Variants in ZNF454 observed in about 807,000 individuals in gnomAD.
The protein encoded by ZNF454 is zinc finger protein 454.
Under a neutral mutation model 48.2 loss-of-function variants are expected in ZNF454, and 30 were observed. That is an observed-to-expected ratio of 0.62 (90% confidence interval 0.47 to 0.84). The LOEUF is 0.84. Among genes scored for constraint, ZNF454 ranks in the 40% least tolerant of loss-of-function variants. ZNF454 has a pLI of 0.00. For synonymous variants in ZNF454, 204 were observed against 211.4 expected (o/e 0.97, Z 0.30); for missense variants, 510 against 623.1 (o/e 0.82, Z 1.93).
intron 4 of ZNF454, among the ~76,000 whole-genome samples, chr5:178,948,861 A>G (rs1373066009): frequency 2.7e-5 from 4 of 148,702 alleles, no homozygotes; most frequent in African/African-American, 9.8e-5. Context: ...AAAATAAATA[A>G]TAAATTTACA....
At chr5:178,963,656 C>T (rs972168092) in intron 4 of ZNF454, among the ~76,000 whole-genome samples, 1 of 151,698 alleles carries the variant, frequency 6.6e-6, no homozygotes, top group Admixed American at 6.6e-5. Flanking sequence ...CTTGCAGCTG[C>T]AGCGTTTATC....
chr5:178,963,816 C>T (rs529014878), intron 4 of ZNF454, among the ~76,000 whole-genome samples: 18 of 151,852 alleles, frequency 1.2e-4, no homozygotes, highest in Non-Finnish European at 2.5e-4. Context: ...ACAGCCTGTA[C>T]AGCGGCCTAG....
At chr5:178,961,670 A>G (rs1326039841) in intron 4 of ZNF454, among the ~76,000 whole-genome samples, 4 of 151,280 alleles carry the variant, frequency 2.6e-5, no homozygotes, top group Non-Finnish European at 5.9e-5. Context: ...CAAAAAAAAA[A>G]TTAGCTGGGC....
chr5:178,954,940 G>A, intron 4 of ZNF454, among the ~76,000 whole-genome samples: 1 of 152,216 alleles, frequency 6.6e-6, no homozygotes, highest in East Asian at 1.9e-4. Context: ...ACCACGGTTT[G>A]CTCATCCATT....
At chr5:178,979,458 A>G in the ZNF454 span, 2 of 152,360 alleles carry the variant, frequency 1.3e-5, no homozygotes, top group East Asian at 3.9e-4. Context: ...ATACCCTGCA[A>G]GTAGACCGAA....
intron 4 of ZNF454, among the ~76,000 whole-genome samples, chr5:178,951,061 T>C (rs936489744): frequency 4.6e-5 from 7 of 152,106 alleles, no homozygotes; most frequent in African/African-American, 1.7e-4. Flanking sequence ...GGTTTCACCA[T>C]GTTGGCCCAG....
At chr5:178,971,741 A>T in the ZNF454 span, among the ~76,000 whole-genome samples, 2 of 151,032 alleles carry the variant, frequency 1.3e-5, no homozygotes, top group South Asian at 4.2e-4. Flanking sequence ...ATGTAGTCCC[A>T]GCTACTTGGG....
the ZNF454 span, chr5:178,985,572 G>A: frequency 0.033 from 11,107 of 338,032 alleles, 290 homozygotes; most frequent in East Asian, 0.072. Flanking sequence ...GCGTGGTGGC[G>A]GGCGCCTGTA....
At position 178,946,191 on chromosome 5, in the gene ZNF454, G is replaced by C. The variant is rs1275510035; in HGVS notation, c.34-168G>C. Among the ~76,000 whole-genome samples the C allele has an allele frequency of 2.0e-5, 3 of 152,130 alleles. No homozygotes were observed. Among genetic ancestry groups the C allele is most frequent in the Non-Finnish European group, 4.4e-5 (3 of 67,996 alleles). ...GAGAGCAATGTCTAGTCCAAGGCTAGGCCCCTAGGAGACCCTGAAGAGTGA... is the reference window on the plus strand; with the variant it reads ...GAGAGCAATGTCTAGTCCAAGGCTACGCCCCTAGGAGACCCTGAAGAGTGA... On this transcript the variant is annotated intron_variant, in intron 2 of 4. Coordinates refer to ENST00000519564, the MANE Select transcript of ZNF454 (RefSeq NM_001178089.3). The surrounding 1 kb of genome is among the most constrained non-coding windows in gnomAD (Gnocchi z 4.5).
At chr5:178,985,583 G>T in the ZNF454 span, 1 of 348,050 alleles carries the variant, frequency 2.9e-6, no homozygotes, top group Non-Finnish European at 5.6e-6. Flanking sequence ...GGCGCCTGTA[G>T]TCCCAGCTAC....
the ZNF454 span, chr5:178,989,549 G>C: frequency 1.9e-6 from 2 of 1,028,612 alleles, no homozygotes; most frequent in African/African-American, 1.6e-5. Context: ...GGCCAGGTGA[G>C]CTAGGAGTGG....
the ZNF454 span, chr5:178,982,694 A>AG: frequency 2.0e-5 from 5 of 244,846 alleles, no homozygotes; most frequent in African/African-American, 1.1e-4. Context: ...GAAAATGATA[A>AG]AAAAAAAAAA....
At chr5:178,987,574 G>A in the ZNF454 span, 6 of 400,492 alleles carry the variant, frequency 1.5e-5, no homozygotes, top group Admixed American at 2.7e-5. Context: ...CGCAAATACC[G>A]TCTGATGCCA....
chr5:178,987,138 C>T, the ZNF454 span: 10 of 784,302 alleles, frequency 1.3e-5, no homozygotes, highest in Admixed American at 1.2e-4. Context: ...GATCCCCCTT[C>T]ACCCATTGGG....
chr5:178,985,690 G>C, the ZNF454 span: 28 of 387,832 alleles, frequency 7.2e-5, no homozygotes, highest in Admixed American at 2.0e-4. Context: ...GCGACACAGC[G>C]AGACTCTGTC....
intron 4 of ZNF454, among the ~76,000 whole-genome samples, chr5:178,961,873 GT>G (rs1449148609): frequency 6.7e-6 from 1 of 149,558 alleles, no homozygotes; most frequent in Non-Finnish European, 1.5e-5. Flanking sequence ...TTTTTGCTAT[GT>G]ATTTTAATTC....
the ZNF454 span, among the ~76,000 whole-genome samples, chr5:178,987,631 A>C: frequency 1.3e-5 from 2 of 152,076 alleles, no homozygotes; most frequent in Non-Finnish European, 2.9e-5. Flanking sequence ...GGGGCCGTGG[A>C]ATGGCGGTTG....
At chr5:178,986,064 T>G in the ZNF454 span, 2 of 1,461,026 alleles carry the variant, frequency 1.4e-6, no homozygotes, top group South Asian at 1.3e-5. Context: ...GCCTGGCCCT[T>G]TTGGCTTTGT....
chr5:178,977,502 C>T, the ZNF454 span: 1 of 423,490 alleles, frequency 2.4e-6, no homozygotes, highest in East Asian at 7.4e-5. Context: ...TCTTTTATAG[C>T]AGCCTGAATA....
Sources: gnomAD v4.1 joint callset for allele counts (sites outside exome capture counted in the v4.1 genomes callset) on GRCh38, gnomAD v4.1.1 for gene constraint, Gnocchi (gnomAD v3.1) non-coding constraint, MANE v1.5 for transcripts, NCBI Gene and HGNC (gene_info 2026-07-23, HGNC 2026-07-21) for gene names.